The following IQCB1 variants were observed in gnomAD, a reference collection of about 807,000 sequenced individuals.
IQCB1 encodes IQ calmodulin-binding motif-containing protein 1.
A neutral mutation model predicts 84.4 loss-of-function variants in IQCB1; 56 were observed. The ratio of observed to expected loss-of-function variants is 0.66; its 90% CI spans 0.54 to 0.83. The LOEUF (loss-of-function observed/expected upper bound fraction) is 0.83. IQCB1 is among the 40% of genes least tolerant of loss of function. The pLI, the probability that IQCB1 is intolerant of heterozygous loss-of-function variation, is 0.00. For missense variants in IQCB1, 629 were observed against 682.1 expected, an observed-to-expected ratio of 0.92 and a Z score of 0.87; for synonymous variants, 210 against 234.8, an observed-to-expected ratio of 0.89 and a Z score of 0.96.
At chr3:121,772,155 C>G (rs1204135385) in intron 14 of IQCB1, among the ~76,000 whole-genome samples, 2 of 152,172 alleles carry the variant, frequency 1.3e-5, no homozygotes, top group South Asian at 4.2e-4. Flanking sequence ...AGCCTGGCAA[C>G]AGAGCAAGAC....
chr3:121,782,334 A>T (rs1204196431), intron 12 of IQCB1, among the ~76,000 whole-genome samples: 1 of 152,242 alleles, frequency 6.6e-6, no homozygotes, highest in Non-Finnish European at 1.5e-5. Context: ...GAAATTTTGT[A>T]ATAGGCATTA....
chr3:121,826,096 T>C lies in IQCB1; in HGVS notation c.348A>G (p.Leu116=), dbSNP rs139299149. 1.0e-4 allele frequency: 167 copies of C among 1,613,402 alleles called. 2 individuals carry two copies. The East Asian group carries it at 3.7e-3, about 35-fold the overall frequency. Residue 116 remains leucine, a synonymous_variant, in exon 5 of 15, where the codon CTA becomes CTG. Transcript: ENST00000310864. The part of the protein sequence containing the change: ...ELLPSAAENF[L]VLGRQLQTCF... ...ATGTTTGTAATTGTCTCCCCAAAAC[T>C]AGAAAATTTTCTGCAGCTGATGGAA... is the stretch of plus-strand genomic sequence containing the variant.
intron 6 of IQCB1, 63 bp downstream of exon 6, chr3:121,808,853 G>T: frequency 1.0e-6 from 1 of 988,436 alleles, no homozygotes; most frequent in South Asian, 1.3e-5. Context: ...TGGAAAAAAC[G>T]ATCAAACTGT....
chr3:121,832,968 G>A (rs986570470), intron 2 of IQCB1, among the ~76,000 whole-genome samples: 1 of 152,120 alleles, frequency 6.6e-6, no homozygotes. Flanking sequence ...CATACACAGG[G>A]TATCTTTTTG....
chr3:121,784,548 G>A (rs9854539), intron 12 of IQCB1, among the ~76,000 whole-genome samples: 97,881 of 152,014 alleles, frequency 0.64, 31,972 homozygotes, highest in African/African-American at 0.71. Flanking sequence ...TGCAATGTTT[G>A]TATTCTATCA....
chr3:121,786,500 A>T (rs1361133382), intron 12 of IQCB1, among the ~76,000 whole-genome samples: 1 of 19,690 alleles, frequency 5.1e-5, no homozygotes, highest in Non-Finnish European at 1.1e-4. Flanking sequence ...ATGTCTCTTA[A>T]AAAAAAAAAA....
rs565027272 is a variant in IQCB1, at chr3:121,831,381, C to G, written c.-12-2409G>C. Reference sequence around the variant, plus strand: ...TAGAGACAGGGTTTCTCCATGTTGCCCAGGGTCTCTGTAATATCTTTATAA... The same window carrying G: ...TAGAGACAGGGTTTCTCCATGTTGCGCAGGGTCTCTGTAATATCTTTATAA... On this transcript the variant is annotated intron_variant, in intron 2 of 14. Transcript: ENST00000310864. Among the ~76,000 whole-genome samples the G allele has an allele frequency of 2.6e-4, 40 of 152,042 alleles. 1 individual carries two copies. The South Asian group carries it at 7.5e-3, about 28-fold the overall frequency.
At chr3:121,811,148 G>C (rs888061870) in intron 5 of IQCB1, among the ~76,000 whole-genome samples, 30 of 152,172 alleles carry the variant, frequency 2.0e-4, no homozygotes, top group Admixed American at 6.5e-4. Flanking sequence ...AGCAGAAGCA[G>C]AGTGGGGCAT....
At chr3:121,814,007 G>A (rs543440944) in intron 5 of IQCB1, among the ~76,000 whole-genome samples, 6 of 151,900 alleles carry the variant, frequency 3.9e-5, no homozygotes, top group Admixed American at 6.6e-5. Context: ...TTCTAAAATC[G>A]ACCACATAAT....
chr3:121,779,554 C>G (rs1052923878), intron 13 of IQCB1, among the ~76,000 whole-genome samples: 1 of 151,934 alleles, frequency 6.6e-6, no homozygotes, highest in African/African-American at 2.4e-5. Context: ...GTTATAATGA[C>G]TGTTTTAATG....
intron 7 of IQCB1, among the ~76,000 whole-genome samples, chr3:121,804,020 C>T (rs76080408): frequency 0.011 from 1,602 of 151,620 alleles, 15 homozygotes; most frequent in Non-Finnish European, 0.016. Context: ...TTCTGGATTG[C>T]GTATTTTTTA....
intron 4 of IQCB1, among the ~76,000 whole-genome samples, chr3:121,827,580 A>G (rs759846879): frequency 2.6e-5 from 4 of 152,128 alleles, no homozygotes. Context: ...ATAAGGCTTT[A>G]TTTACTTAAG....
intron 8 of IQCB1, among the ~76,000 whole-genome samples, chr3:121,797,716 T>G (rs909865373): frequency 2.0e-5 from 3 of 152,010 alleles, no homozygotes; most frequent in Non-Finnish European, 4.4e-5. Context: ...ACATATATAA[T>G]TTGGGGCAAA....
intron 7 of IQCB1, among the ~76,000 whole-genome samples, chr3:121,805,637 ACT>A (rs1949574982): frequency 6.6e-6 from 1 of 151,948 alleles, no homozygotes; most frequent in Non-Finnish European, 1.5e-5. Context: ...CTTCCTGAAC[ACT>A]CTACCCAATG....
At chr3:121,833,656 AT>A (rs1309283049) in intron 2 of IQCB1, among the ~76,000 whole-genome samples, 9 of 152,238 alleles carry the variant, frequency 5.9e-5, no homozygotes, top group African/African-American at 2.2e-4. Context: ...ATACAAAAAA[AT>A]ATACTTAAGA....
intron 1 of IQCB1, among the ~76,000 whole-genome samples, 185 bp downstream of exon 1, chr3:121,834,781 C>A (rs1239944345): frequency 1.3e-5 from 2 of 152,240 alleles, no homozygotes; most frequent in African/African-American, 4.8e-5. Context: ...TGTGCCTGGA[C>A]ACTGCACCTC....
At chr3:121,829,857 C>T (rs758123732) in intron 2 of IQCB1, among the ~76,000 whole-genome samples, 1 of 152,164 alleles carries the variant, frequency 6.6e-6, no homozygotes, top group South Asian at 2.1e-4. Flanking sequence ...CTTCAACACA[C>T]TAATGCTCAG....
At chr3:121,807,301 C>T (rs780885541) in intron 7 of IQCB1, 43 bp downstream of exon 7, 1 of 960,542 alleles carries the variant, frequency 1.0e-6, no homozygotes, top group African/African-American at 1.8e-5. Context: ...GGTAATGCTT[C>T]TGATAAAAAA....
rs1178881715 is a variant in IQCB1, at chr3:121,795,430, A to G, written c.986+27T>C. The G allele has an allele frequency of 3.5e-6, 4 of 1,148,744 alleles. No individual in the cohort carries two copies. The East Asian group carries it at 7.0e-5, about 20-fold the overall frequency. The allele number at this position is 1,148,744 out of a possible 1,614,324, so 71.2% of individuals were successfully genotyped here. ...TGTACTCTAGTAAGATTCTATGATC[A>G]TCAATCCCCTCACCAAATTTTTTTA... On this transcript the variant is annotated intron_variant, in intron 10 of 14. Coordinates refer to ENST00000310864, the MANE Select transcript of IQCB1 (RefSeq NM_001023570.4).
Sources: gnomAD v4.1 joint callset for allele counts (sites outside exome capture counted in the v4.1 genomes callset) on GRCh38, gnomAD v4.1.1 for gene constraint, MANE v1.5 for transcripts, NCBI Gene and HGNC (gene_info 2026-07-23, HGNC 2026-07-21) for gene names.